Variants in MTREX observed in about 807,000 individuals in gnomAD.
MTREX encodes Mtr4 exosome RNA helicase, also known as exosome RNA helicase MTR4.
A neutral mutation model predicts 135.4 loss-of-function variants in MTREX; 76 were observed. That is an observed-to-expected ratio of 0.56 (90% confidence interval 0.47 to 0.68). MTREX has a LOEUF of 0.68. Ranked by LOEUF, MTREX falls within the 30% of genes least tolerant of loss-of-function variation. The pLI, the probability that MTREX is intolerant of heterozygous loss-of-function variation, is 0.00. For synonymous variants in MTREX, 404 were observed against 401.6 expected (o/e 1.01, Z -0.07); for missense variants, 920 against 1,262.1 (o/e 0.73, Z 4.11).
Position 55,351,024 on chromosome 5 carries a change from A to T in MTREX, c.1426A>T (p.Ile476Leu). The change falls in exon 13 of 27, where the codon ATA becomes TTA. Residue 476 changes from isoleucine (I) to leucine (L), a missense_variant. Ile to Leu is a conservative substitution (Grantham distance 5, BLOSUM62 2). Coordinates refer to ENST00000230640, the MANE Select transcript of MTREX (RefSeq NM_015360.5). ...TIEILFSEGL[I>L]KALFATETFA... is the part of the protein sequence containing the mutation. ...AGAAATTCTCTTTTCTGAAGGATTG[A>T]TAAAGGTATGGTTTTATTTTTATTT... 1 of 1,599,312 alleles carries T rather than the reference A, an allele frequency of 6.3e-7. No individual in the cohort carries two copies. Among genetic ancestry groups the T allele is most frequent in the African/African-American group, 1.4e-5 (1 of 74,018 alleles).
intron 18 of MTREX, among the ~76,000 whole-genome samples, chr5:55,384,844 T>A (rs368777386): frequency 7.2e-5 from 11 of 152,150 alleles, no homozygotes; most frequent in African/African-American, 2.7e-4. Context: ...TCTCTGTGAC[T>A]TTACCTTTCT....
At chr5:55,377,067 T>C (rs1441140187) in intron 16 of MTREX, among the ~76,000 whole-genome samples, 3 of 151,644 alleles carry the variant, frequency 2.0e-5, no homozygotes, top group African/African-American at 7.3e-5. Context: ...TGGTGGCTCA[T>C]GTCTGTAATC....
chr5:55,369,622 T>A (rs879485076), intron 16 of MTREX, among the ~76,000 whole-genome samples: 4 of 152,202 alleles, frequency 2.6e-5, no homozygotes, highest in Admixed American at 6.5e-5. Flanking sequence ...TAGAGCAGGA[T>A]TCTACTGCTC....
intron 15 of MTREX, 66 bp downstream of exon 15, chr5:55,358,764 G>GA: frequency 1.4e-6 from 2 of 1,393,470 alleles, no homozygotes; most frequent in Non-Finnish European, 1.9e-6. Flanking sequence ...AGCCATTTCA[G>GA]AATTGGTTGT....
intron 9 of MTREX, 28 bp downstream of exon 9, chr5:55,344,648 C>T: frequency 7.7e-7 from 1 of 1,292,922 alleles, no homozygotes; most frequent in South Asian, 1.3e-5. Flanking sequence ...CTTTTTAAAT[C>T]TATAATGTCA....
chr5:55,366,656 A>G, intron 15 of MTREX, 69 bp from the exon 16 acceptor site: 1 of 1,168,004 alleles, frequency 8.6e-7, no homozygotes, highest in Non-Finnish European at 1.2e-6. Context: ...TGAGCATTAT[A>G]GTAGGTTAAA....
At position 55,425,174 on chromosome 5, in the gene MTREX, AG is replaced by A. The variant is rs1270253482; in HGVS notation, c.*404del. On this transcript the variant is annotated 3_prime_UTR_variant, in exon 27 of 27. Transcript: ENST00000230640. ...TGGCAATCATTTTCCTTTAGAAAAC[AG>A]GCCAGCTTCACCTGGGCACCCTGCT... 1 of 1,593,560 alleles carries A rather than the reference AG, an allele frequency of 6.3e-7. No homozygotes were observed. The highest frequency in any genetic ancestry group is 2.2e-5 in the East Asian group (1 of 44,746).
intron 19 of MTREX, among the ~76,000 whole-genome samples, chr5:55,390,633 T>C (rs1750552483): frequency 6.6e-6 from 1 of 152,184 alleles, no homozygotes. Flanking sequence ...CCCCTTATCA[T>C]GGCCACGTCA....
intron 1 of MTREX, among the ~76,000 whole-genome samples, chr5:55,309,263 A>G (rs956266271): frequency 1.1e-4 from 16 of 152,302 alleles, no homozygotes; most frequent in African/African-American, 3.4e-4. Context: ...GGGGCCTTGA[A>G]TATCAAGCAG....
intron 19 of MTREX, among the ~76,000 whole-genome samples, chr5:55,396,128 A>C (rs996807449): frequency 6.6e-6 from 1 of 152,220 alleles, no homozygotes; most frequent in Non-Finnish European, 1.5e-5. Flanking sequence ...GATTTATTTC[A>C]TTCTTACAAG....
intron 18 of MTREX, among the ~76,000 whole-genome samples, chr5:55,381,746 ATGTCCTT>A (rs1180656509): frequency 6.6e-6 from 1 of 152,176 alleles, no homozygotes; most frequent in Non-Finnish European, 1.5e-5. Context: ...TGTTTTATAG[ATGTCCTT>A]TAGGTCTAGT....
intron 18 of MTREX, among the ~76,000 whole-genome samples, chr5:55,383,202 A>G (rs893870061): frequency 2.0e-5 from 3 of 152,206 alleles, no homozygotes; most frequent in Non-Finnish European, 2.9e-5. Context: ...TTTTTAAATC[A>G]TTGAAGAGAA....
chr5:55,316,569 C>T (rs891436326), intron 1 of MTREX, among the ~76,000 whole-genome samples: 2 of 152,012 alleles, frequency 1.3e-5, no homozygotes, highest in Admixed American at 6.6e-5. Flanking sequence ...AAAAGGCCTT[C>T]GATAAAATTC....
intron 15 of MTREX, among the ~76,000 whole-genome samples, chr5:55,366,164 T>C (rs1750100570): frequency 6.6e-6 from 1 of 152,140 alleles, no homozygotes; most frequent in Admixed American, 6.5e-5. Context: ...TTAGTCTAGC[T>C]CTTGAGTAAC....
chr5:55,410,514 G>T lies in MTREX; in HGVS notation c.2646-10G>T. The stretch of plus-strand genomic sequence containing the variant: ...TTCTGACATTTTATTCTTTTGTTTT[G>T]CCATTGTAGTGCTGATGAGCTCCTT... On this transcript the variant is annotated splice_polypyrimidine_tract_variant and intron_variant, in intron 22 of 26. Transcript: ENST00000230640. 1 of 1,498,324 alleles carries T rather than the reference G, an allele frequency of 6.7e-7. No individual in the cohort carries two copies. The highest frequency in any genetic ancestry group is 9.2e-7 in the Non-Finnish European group (1 of 1,088,376). The allele number at this position is 1,498,324 out of a possible 1,614,324, so 92.8% of individuals were successfully genotyped here. A position where few individuals can be genotyped will look rare whatever the true frequency, so the allele number is the denominator to read the frequency against.
intron 16 of MTREX, among the ~76,000 whole-genome samples, chr5:55,374,774 G>A (rs1270595459): frequency 6.6e-6 from 1 of 152,174 alleles, no homozygotes; most frequent in Non-Finnish European, 1.5e-5. Context: ...AGCCATATAG[G>A]ATGAATTGTA....
At chr5:55,420,674 C>CAA in intron 25 of MTREX, among the ~76,000 whole-genome samples, 1 of 152,218 alleles carries the variant, frequency 6.6e-6, no homozygotes, top group Middle Eastern at 3.4e-3. Context: ...TTCATAGAGA[C>CAA]AAAGCATAGA....
chr5:55,373,614 G>A (rs1309809966), intron 16 of MTREX, among the ~76,000 whole-genome samples: 3 of 151,932 alleles, frequency 2.0e-5, no homozygotes, highest in Non-Finnish European at 4.4e-5. Flanking sequence ...TGAGTTTTGT[G>A]AGCTACTCAC....
intron 1 of MTREX, among the ~76,000 whole-genome samples, chr5:55,316,972 TAC>T (rs1365787050): frequency 1.3e-5 from 2 of 152,122 alleles, no homozygotes; most frequent in Non-Finnish European, 1.5e-5. Context: ...AGCATTCTTA[TAC>T]ACCAACAGTA....
Sources: allele counts gnomAD v4.1 joint callset (sites outside exome capture counted in the v4.1 genomes callset), GRCh38; gene constraint gnomAD v4.1.1; transcripts MANE v1.5; gene names NCBI Gene and HGNC (gene_info 2026-07-23, HGNC 2026-07-21).